Variants in PLPP3 observed in about 807,000 individuals in gnomAD.
PLPP3 encodes the protein phospholipid phosphatase 3, also known as PAP2 beta.
PLPP3 carries 6 observed loss-of-function variants against 29.6 expected under a neutral mutation model. The observed-to-expected ratio is 0.20, with a 90% confidence interval of 0.11 to 0.40. The LOEUF (loss-of-function observed/expected upper bound fraction) is 0.40. PLPP3 is among the 10% of genes least tolerant of loss of function. PLPP3 has a pLI of 1.00. For missense variants in PLPP3, 308 were observed against 407.7 expected (o/e 0.76, Z 2.11); for synonymous variants, 152 against 159.7 (o/e 0.95, Z 0.36).
chr1:56,576,505 G>T (rs1017771544), intron 1 of PLPP3, among the ~76,000 whole-genome samples: 3 of 152,156 alleles, frequency 2.0e-5, no homozygotes, highest in Non-Finnish European at 4.4e-5. Context: ...TGTTAAAGGT[G>T]TTTGAGAGAC....
intron 2 of PLPP3, among the ~76,000 whole-genome samples, chr1:56,534,851 G>A (rs1481970262): frequency 6.6e-6 from 1 of 152,092 alleles, no homozygotes. Flanking sequence ...CAGCTGAAAT[G>A]CAACAGCAGT....
intron 2 of PLPP3, among the ~76,000 whole-genome samples, chr1:56,525,350 T>C (rs946553501): frequency 1.3e-5 from 2 of 152,234 alleles, no homozygotes; most frequent in Non-Finnish European, 2.9e-5. Context: ...CAGCCTGTGC[T>C]GTCTTCTCTG....
intron 1 of PLPP3, among the ~76,000 whole-genome samples, chr1:56,555,491 A>G (rs1260932645): frequency 6.7e-6 from 1 of 149,910 alleles, no homozygotes; most frequent in African/African-American, 2.4e-5. Context: ...AAAAACACCC[A>G]AAAACTCAAG....
At chr1:56,515,471 A>G (rs185252538) in intron 4 of PLPP3, among the ~76,000 whole-genome samples, 284 of 152,316 alleles carry the variant, frequency 1.9e-3, no homozygotes, top group African/African-American at 6.6e-3. Flanking sequence ...TGATTCAGAT[A>G]CTTAAGGTTG....
intron 2 of PLPP3, among the ~76,000 whole-genome samples, chr1:56,525,194 T>C (rs1569879399): frequency 6.6e-6 from 1 of 152,318 alleles, no homozygotes; most frequent in East Asian, 1.9e-4. Context: ...TTGGTTCAAA[T>C]AGGATAACAT....
At chr1:56,556,846 A>G (rs978628685) in intron 1 of PLPP3, among the ~76,000 whole-genome samples, 2 of 145,238 alleles carry the variant, frequency 1.4e-5, no homozygotes, top group African/African-American at 2.6e-5. Flanking sequence ...AGATTGCTTG[A>G]GGTCAAGAGT....
intron 2 of PLPP3, among the ~76,000 whole-genome samples, chr1:56,535,502 GC>G: frequency 6.6e-6 from 1 of 152,188 alleles, no homozygotes; most frequent in Non-Finnish European, 1.5e-5. Context: ...TGAGGCCACA[GC>G]ACATGACTGC....
At chr1:56,556,108 G>A (rs1646074911) in intron 1 of PLPP3, among the ~76,000 whole-genome samples, 1 of 152,196 alleles carries the variant, frequency 6.6e-6, no homozygotes, top group South Asian at 2.1e-4. Flanking sequence ...AATTTGAGGG[G>A]TAGAGAGAAG....
At chr1:56,578,714 G>T (rs1180632148) in intron 1 of PLPP3, among the ~76,000 whole-genome samples, 164 bp downstream of exon 1, 1 of 152,092 alleles carries the variant, frequency 6.6e-6, no homozygotes, top group Non-Finnish European at 1.5e-5. Flanking sequence ...GGGAGGGCGG[G>T]GGCTTCGGGC....
rs536536068 is a variant in PLPP3 at position 56,578,702 on chromosome 1, C to A, written c.139+176G>T. 8.6e-5 allele frequency among the ~76,000 whole-genome samples: 13 copies of A among 151,804 alleles called. No homozygotes were observed. In the South Asian group the frequency reaches 2.3e-3, roughly 27 times the overall value. On this transcript the variant is annotated intron_variant, in intron 1 of 5. Coordinates refer to ENST00000371250, the MANE Select transcript of PLPP3 (RefSeq NM_003713.5). Reference sequence around the variant, plus strand: ...GTACAGGCCAAGAAGTCGGTGGGATCGGGGAGGGCGGGGGCTTCGGGCCTG... The same window carrying A: ...GTACAGGCCAAGAAGTCGGTGGGATAGGGGAGGGCGGGGGCTTCGGGCCTG...
At chr1:56,552,275 G>C (rs1029344048) in intron 1 of PLPP3, among the ~76,000 whole-genome samples, 1 of 151,488 alleles carries the variant, frequency 6.6e-6, no homozygotes, top group Non-Finnish European at 1.5e-5. Flanking sequence ...GACTGATTCC[G>C]GGCCCTGCCC....
At chr1:56,550,795 T>C (rs934486271) in intron 1 of PLPP3, among the ~76,000 whole-genome samples, 17 of 151,858 alleles carry the variant, frequency 1.1e-4, no homozygotes, top group African/African-American at 3.6e-4. Context: ...CACCATGGTA[T>C]TGCCATGACA....
intron 1 of PLPP3, among the ~76,000 whole-genome samples, chr1:56,576,164 C>T (rs1646234234): frequency 6.6e-6 from 1 of 152,112 alleles, no homozygotes; most frequent in Non-Finnish European, 1.5e-5. Flanking sequence ...CATATTTCCA[C>T]TTACATAACA....
intron 1 of PLPP3, among the ~76,000 whole-genome samples, chr1:56,568,411 T>C (rs1330351518): frequency 6.6e-6 from 1 of 152,226 alleles, no homozygotes; most frequent in Non-Finnish European, 1.5e-5. Context: ...AGCCCACTTA[T>C]TTTAAGGGGC....
At chr1:56,538,052 C>T (rs1645939990) in intron 1 of PLPP3, among the ~76,000 whole-genome samples, 1 of 152,208 alleles carries the variant, frequency 6.6e-6, no homozygotes, top group African/African-American at 2.4e-5. Context: ...CCATTCCCTT[C>T]TACAGATAGC....
intron 5 of PLPP3, among the ~76,000 whole-genome samples, chr1:56,497,217 G>A (rs994680608): frequency 6.6e-6 from 1 of 152,212 alleles, no homozygotes; most frequent in Non-Finnish European, 1.5e-5. Flanking sequence ...GGTTCTCGTT[G>A]CTGAGAAAGT....
chr1:56,578,066 C>A (rs544538437), intron 1 of PLPP3, among the ~76,000 whole-genome samples: 1 of 152,302 alleles, frequency 6.6e-6, no homozygotes, highest in Non-Finnish European at 1.5e-5. Context: ...GCTCTTCCAG[C>A]TGTGGCTTCC....
intron 4 of PLPP3, among the ~76,000 whole-genome samples, chr1:56,520,996 G>A (rs1432256818): frequency 1.3e-5 from 2 of 151,240 alleles, no homozygotes; most frequent in African/African-American, 4.9e-5. Context: ...CACTTTGGGA[G>A]GCCAAGGTGG....
intron 5 of PLPP3, among the ~76,000 whole-genome samples, chr1:56,506,306 T>C (rs903170192): frequency 6.6e-6 from 1 of 152,218 alleles, no homozygotes; most frequent in African/African-American, 2.4e-5. Flanking sequence ...CTCCCTGCAC[T>C]GCAGTTTCCT....
Sources: allele counts gnomAD v4.1 joint callset (sites outside exome capture counted in the v4.1 genomes callset), GRCh38; gene constraint gnomAD v4.1.1; transcripts MANE v1.5; gene names NCBI Gene and HGNC (gene_info 2026-07-23, HGNC 2026-07-21).